Variants in GLIS3 observed in about 807,000 individuals in gnomAD.
GLIS3 encodes the protein GLIS family zinc finger 3.
In GLIS3, 53 loss-of-function variants were observed where a neutral mutation model predicts 78.6. The observed-to-expected ratio is 0.67, with a 90% confidence interval of 0.54 to 0.85. The LOEUF is 0.85. Ranked by LOEUF, GLIS3 falls within the 40% of genes least tolerant of loss-of-function variation. GLIS3 has a pLI of 0.00. For missense variants in GLIS3, 1,703 were observed against 1,231.1 expected (o/e 1.38, Z -5.74); for synonymous variants, 684 against 509.9 (o/e 1.34, Z -4.60).
the GLIS3 span, among the ~76,000 whole-genome samples, chr9:4,480,119 G>C: frequency 1.3e-5 from 2 of 150,966 alleles, no homozygotes; most frequent in Non-Finnish European, 3.0e-5. Context: ...CTGTGATAGA[G>C]TGACAGATGT....
chr9:3,839,995 G>A lies in GLIS3; in HGVS notation c.2474-10503C>T, dbSNP rs557465400. Among the ~76,000 whole-genome samples the A allele has an allele frequency of 2.0e-5, 3 of 152,110 alleles. No homozygotes were observed. In the South Asian group the frequency reaches 6.2e-4, roughly 32 times the overall value. On this transcript the variant is annotated intron_variant, in intron 9 of 10. Transcript: ENST00000381971. ...TTTTATTTCCATCCATTGCATTAACGACTTGGATTTGTGTCTGAATCCCAG... is the reference window on the plus strand; with the variant it reads ...TTTTATTTCCATCCATTGCATTAACAACTTGGATTTGTGTCTGAATCCCAG...
chr9:4,037,547 A>AACACACACAC (rs56254712), intron 4 of GLIS3, among the ~76,000 whole-genome samples: 8,370 of 147,400 alleles, frequency 0.057, 369 homozygotes, highest in Admixed American at 0.14. Flanking sequence ...GTGTGCACAC[A>AACACACACAC]ACACACACAC....
At chr9:4,310,995 G>A (rs1817342771) in intron 2 of GLIS3, among the ~76,000 whole-genome samples, 2 of 152,228 alleles carry the variant, frequency 1.3e-5, no homozygotes, top group Non-Finnish European at 2.9e-5. Context: ...CAGACAAGGT[G>A]TACAGGATTT....
At chr9:4,467,260 G>A in the GLIS3 span, among the ~76,000 whole-genome samples, 1 of 152,190 alleles carries the variant, frequency 6.6e-6, no homozygotes, top group African/African-American at 2.4e-5. Flanking sequence ...AAACGTCCCT[G>A]TCTGACAGCT....
At chr9:3,973,405 C>T (rs1056518702) in intron 4 of GLIS3, among the ~76,000 whole-genome samples, 2 of 152,090 alleles carry the variant, frequency 1.3e-5, no homozygotes, top group African/African-American at 4.8e-5. Context: ...CCTGGCATGG[C>T]CTGTCCCACC....
At chr9:4,084,473 C>G (rs1326554863) in intron 4 of GLIS3, among the ~76,000 whole-genome samples, 1 of 152,048 alleles carries the variant, frequency 6.6e-6, no homozygotes, top group African/African-American at 2.4e-5. Flanking sequence ...GGAGAAGAAA[C>G]AGCCACGGGA....
chr9:4,267,778 T>C (rs575738883), intron 2 of GLIS3, among the ~76,000 whole-genome samples: 22 of 152,322 alleles, frequency 1.4e-4, no homozygotes, highest in African/African-American at 5.3e-4. Flanking sequence ...ATTCAAATGT[T>C]AGTCTCTTGA....
chr9:4,180,094 C>T (rs1358943358), intron 2 of GLIS3, among the ~76,000 whole-genome samples: 1 of 152,002 alleles, frequency 6.6e-6, no homozygotes, highest in African/African-American at 2.4e-5. Flanking sequence ...CAATGGTTAC[C>T]TATGTCAAGG....
chr9:4,355,397 G>A, the GLIS3 span, among the ~76,000 whole-genome samples: 1 of 152,116 alleles, frequency 6.6e-6, no homozygotes, highest in African/African-American at 2.4e-5. Flanking sequence ...TATCTTGTAG[G>A]TGCCCAATAA....
chr9:4,288,298 G>A lies in GLIS3; in HGVS notation c.-98-1775C>T, dbSNP rs371630960. Among the ~76,000 whole-genome samples the A allele has an allele frequency of 7.9e-3, 1,205 of 152,234 alleles. 16 individuals are homozygous for A. Among genetic ancestry groups the A allele is most frequent in the African/African-American group, 0.028 (1,158 of 41,542 alleles). On this transcript the variant is annotated intron_variant, in intron 1 of 10. Transcript: ENST00000381971. ...TCTGAGCACTCTGAACCCTGCAGAA[G>A]AAAGCACGTATTCAGCAGCAACCCA...
chr9:3,941,276 T>G (rs1165450002), intron 4 of GLIS3, among the ~76,000 whole-genome samples: 1 of 152,192 alleles, frequency 6.6e-6, no homozygotes, highest in African/African-American at 2.4e-5. Context: ...GCATCTCCAT[T>G]CCACAGCAGG....
In GLIS3 at chr9:4,089,281, G is replaced by A. The variant is rs144843453; in HGVS notation, c.1710+28487C>T. ...TCACCTCTGAAAATTGCTGTTTAAT[G>A]TTGGTATATCTCAAAACTGAAAAAT... is the stretch of plus-strand genomic sequence containing the variant. On this transcript the variant is annotated intron_variant, in intron 4 of 10. Coordinates refer to ENST00000381971, the MANE Select transcript of GLIS3 (RefSeq NM_001042413.2). 3.0e-3 allele frequency among the ~76,000 whole-genome samples: 462 copies of A among 152,242 alleles called. 1 individual carries two copies. The highest frequency in any genetic ancestry group is 0.011 in the African/African-American group (446 of 41,556).
In GLIS3 at chr9:3,846,083, A is replaced by C. The variant is rs538370094; in HGVS notation, c.2473+9926T>G. ...CACAGAAAAAAGTGATTTTTCAGCT[A>C]TCAGTGTCCAAAGACATGCAGTCAA... On this transcript the variant is annotated intron_variant, in intron 9 of 10. Transcript: ENST00000381971. Among the ~76,000 whole-genome samples, 12 of 152,348 alleles carry C rather than the reference A, an allele frequency of 7.9e-5. No homozygotes were observed. In the South Asian group the frequency reaches 1.2e-3, roughly 16 times the overall value.
At chr9:4,029,925 A>T (rs1037585696) in intron 4 of GLIS3, among the ~76,000 whole-genome samples, 22 of 152,178 alleles carry the variant, frequency 1.4e-4, no homozygotes, top group Non-Finnish European at 8.8e-5. Context: ...ATATCTCTTC[A>T]ATATACTGAT....
At chr9:4,364,109 C>G in the GLIS3 span, among the ~76,000 whole-genome samples, 76 of 152,302 alleles carry the variant, frequency 5.0e-4, no homozygotes, top group Admixed American at 1.8e-3. Flanking sequence ...GTCACAAAGC[C>G]TGTCCTTCAG....
chr9:4,236,036 C>T (rs1822702294), intron 2 of GLIS3, among the ~76,000 whole-genome samples: 2 of 151,952 alleles, frequency 1.3e-5, no homozygotes, highest in African/African-American at 4.8e-5. Context: ...CTACACAAAC[C>T]TGTGTAGTCA....
the GLIS3 span, among the ~76,000 whole-genome samples, chr9:4,457,257 A>G: frequency 6.6e-6 from 1 of 152,028 alleles, no homozygotes; most frequent in Non-Finnish European, 1.5e-5. Flanking sequence ...GCTACTTAGG[A>G]AGTTGAGGTG....
At chr9:4,302,562 C>T (rs566418823), upstream of GLIS3, among the ~76,000 whole-genome samples, 1 of 152,320 alleles carries the variant, frequency 6.6e-6, no homozygotes, top group South Asian at 2.1e-4. Flanking sequence ...GCATATATTA[C>T]CTCATCTAAT....
chr9:4,285,825 G>C (rs965840189), intron 2 of GLIS3: 4 of 613,942 alleles, frequency 6.5e-6, no homozygotes, highest in Non-Finnish European at 5.8e-6. Context: ...ACAGTCCCAG[G>C]AGATGTCTCA....
Sources: allele counts gnomAD v4.1 joint callset (sites outside exome capture counted in the v4.1 genomes callset), GRCh38; gene constraint gnomAD v4.1.1; transcripts MANE v1.5; gene names NCBI Gene and HGNC (gene_info 2026-07-23, HGNC 2026-07-21).